The following MED1 variants were observed in gnomAD, a reference collection of about 807,000 sequenced individuals.
MED1 encodes mediator complex subunit 1, also known as mediator of RNA polymerase II transcription subunit 1.
A neutral mutation model predicts 121.3 loss-of-function variants in MED1; 17 were observed. The observed-to-expected ratio is 0.14, with a 90% CI of 0.10 to 0.21. The LOEUF (loss-of-function observed/expected upper bound fraction) is 0.21, where lower values mean the gene tolerates loss of function less well. Ranked by LOEUF, MED1 falls within the 10% of genes least tolerant of loss-of-function variation. MED1 has a pLI of 1.00. For synonymous variants in MED1, 661 were observed against 694.4 expected, an observed-to-expected ratio of 0.95 and a Z score of 0.76; for missense variants, 1,558 against 1,919.4, an observed-to-expected ratio of 0.81 and a Z score of 3.52.
In MED1 at chr17:39,451,208, G is replaced by C; in HGVS notation, c.-146C>G. 1.1e-6 allele frequency: 1 copy of C among 912,734 alleles called. No homozygotes were observed. The highest frequency in any genetic ancestry group is 1.7e-6 in the Non-Finnish European group (1 of 598,696). 56.5% of individuals were successfully genotyped at this position (912,734 alleles called of 1,614,324 possible). On this transcript the variant is annotated 5_prime_UTR_variant, in exon 1 of 17. Coordinates refer to ENST00000300651, the MANE Select transcript of MED1 (RefSeq NM_004774.4). ...CGGGAAGGATCAATCTGAAGTCCCC[G>C]GCGGCAAGAAGAGAAGGGTGCTCGA...
At chr17:39,417,526 G>A (rs2048421780) in intron 14 of MED1, among the ~76,000 whole-genome samples, 1 of 151,994 alleles carries the variant, frequency 6.6e-6, no homozygotes, top group African/African-American at 2.4e-5. Context: ...CTACTCGGGA[G>A]GCTGAGGCAG....
chr17:39,448,064 A>C (rs2048744911), intron 1 of MED1, among the ~76,000 whole-genome samples, 160 bp from the exon 2 acceptor site: 2 of 152,242 alleles, frequency 1.3e-5, no homozygotes, highest in South Asian at 4.1e-4. Flanking sequence ...GACATTTTTA[A>C]TGGCAAGATG....
At chr17:39,411,155 C>G (rs1273839034) in intron 16 of MED1, among the ~76,000 whole-genome samples, 1 of 152,036 alleles carries the variant, frequency 6.6e-6, no homozygotes, top group African/African-American at 2.4e-5. Context: ...CCCGTCTCTA[C>G]TAAAAATACA....
At chr17:39,449,875 C>T (rs188865143) in intron 1 of MED1, among the ~76,000 whole-genome samples, 3 of 134,294 alleles carry the variant, frequency 2.2e-5, no homozygotes, top group Admixed American at 1.7e-4. Flanking sequence ...AATGCAATGG[C>T]GCAGTCTTGG....
intron 1 of MED1, among the ~76,000 whole-genome samples, chr17:39,450,245 C>T (rs1420872315): frequency 2.0e-5 from 3 of 152,116 alleles, no homozygotes; most frequent in Non-Finnish European, 2.9e-5. Flanking sequence ...TCACTGCTCC[C>T]GGCCTCACCT....
At chr17:39,432,852 G>A (rs191051516) in intron 7 of MED1, among the ~76,000 whole-genome samples, 99 of 151,884 alleles carry the variant, frequency 6.5e-4, no homozygotes, top group Non-Finnish European at 1.2e-3. Flanking sequence ...ATCACGTGAG[G>A]TCAGGAGTTT....
chr17:39,419,647 C>T, intron 14 of MED1, 70 bp downstream of exon 14: 1 of 1,457,962 alleles, frequency 6.9e-7, no homozygotes, highest in Non-Finnish European at 9.5e-7. Flanking sequence ...TCTGATGGGC[C>T]ACCAATTAAA....
intron 14 of MED1, 126 bp downstream of exon 14, chr17:39,419,591 G>A: frequency 1.1e-6 from 1 of 882,200 alleles, no homozygotes. Context: ...TGATTTTTAT[G>A]CCAAATATGA....
intron 13 of MED1, among the ~76,000 whole-genome samples, chr17:39,420,353 C>T (rs556318441): frequency 9.9e-5 from 15 of 152,006 alleles, no homozygotes; most frequent in Non-Finnish European, 1.9e-4. Flanking sequence ...GCACCCGCCA[C>T]CACGCCCGGC....
chr17:39,447,793 C>A lies in MED1; in HGVS notation c.132+5G>T. ...ACACTTTACCCACTTCACCACAATC[C>A]TTACCATGACTTGACGCACAAGCTT... On this transcript the variant is annotated splice_donor_5th_base_variant and intron_variant, in intron 2 of 16. Coordinates refer to ENST00000300651, the MANE Select transcript of MED1 (RefSeq NM_004774.4). The A allele has an allele frequency of 6.2e-7, 1 of 1,604,152 alleles. No individual in the cohort carries two copies. The highest frequency in any genetic ancestry group is 8.5e-7 in the Non-Finnish European group (1 of 1,172,216).
At position 39,434,327 on chromosome 17, in the gene MED1, G is replaced by A. The variant is rs368821178; in HGVS notation, c.429-7C>T. The A allele has an allele frequency of 4.0e-5, 59 of 1,464,216 alleles. No individual in the cohort carries two copies. The African/African-American group carries it at 7.5e-4, about 19-fold the overall frequency. The allele number at this position is 1,464,216 out of a possible 1,614,324, so 90.7% of individuals were successfully genotyped here. On this transcript the variant is annotated splice_region_variant and splice_polypyrimidine_tract_variant and intron_variant, in intron 6 of 16. Transcript: ENST00000300651. ...TTCATCAAAATTTTTTTCCCTATAA[G>A]GAGTTCAGGGAAGAGGGGAAAGAGA...
At chr17:39,415,533 G>A (rs987959510) in intron 14 of MED1, among the ~76,000 whole-genome samples, 194 bp from the exon 15 acceptor site, 1 of 152,132 alleles carries the variant, frequency 6.6e-6, no homozygotes, top group East Asian at 1.9e-4. Context: ...AAAAGAGGCC[G>A]GATGCAGTGG....
At chr17:39,450,987 C>A in intron 1 of MED1, 51 bp downstream of exon 1, 1 of 1,571,764 alleles carries the variant, frequency 6.4e-7, no homozygotes, top group Admixed American at 1.8e-5. Flanking sequence ...CTCTCACAAA[C>A]TGGCTCCCCC....
Position 39,410,259 on chromosome 17 carries a change from G to C in MED1, c.1962C>G (p.Ala654=), listed in dbSNP as rs750551342. The change falls in exon 17 of 17, where the codon GCC becomes GCG. Residue 654 remains alanine, a synonymous_variant. Transcript: ENST00000300651. ...MLMNLLKDNP[A]QDFSTLYGSS... is the part of the protein sequence containing the mutation. Reference sequence around the variant, plus strand: ...TTCCATAAAGGGTTGAGAAATCCTGGGCAGGATTATCTTTAAGAAGGTTCA... The same window carrying C: ...TTCCATAAAGGGTTGAGAAATCCTGCGCAGGATTATCTTTAAGAAGGTTCA... 2.5e-6 allele frequency: 4 copies of C among 1,613,998 alleles called. No homozygotes were observed. Among genetic ancestry groups the C allele is most frequent in the Non-Finnish European group, 3.4e-6 (4 of 1,180,002 alleles).
Position 39,440,774 on chromosome 17 carries a change from AC to A in MED1, c.212-98del, listed in dbSNP as rs2048667609. ...AAGATTCATCCTTCCAAAACCGTAA[AC>A]ATATTCAGTAGTTCAAATGCTTGTA... On this transcript the variant is annotated intron_variant, in intron 3 of 16. Coordinates refer to ENST00000300651, the MANE Select transcript of MED1 (RefSeq NM_004774.4). The surrounding 1 kb of genome is among the most constrained non-coding windows in gnomAD (Gnocchi z 4.1). 2 of 1,179,580 alleles carry A rather than the reference AC, an allele frequency of 1.7e-6. No homozygotes were observed. Among genetic ancestry groups the A allele is most frequent in the African/African-American group, 3.1e-5 (2 of 64,860 alleles). 73.1% of individuals were successfully genotyped at this position (1,179,580 alleles called of 1,614,324 possible). A position where few individuals can be genotyped will look rare whatever the true frequency, so the allele number is the denominator to read the frequency against.
At chr17:39,424,861 C>G in intron 10 of MED1, 123 bp from the exon 11 acceptor site, 1 of 623,930 alleles carries the variant, frequency 1.6e-6, no homozygotes, top group Non-Finnish European at 2.8e-6. Context: ...GCTGTTATTC[C>G]CTTATTTATT....
chr17:39,425,041 G>A (rs2048502286), intron 10 of MED1, among the ~76,000 whole-genome samples: 1 of 151,942 alleles, frequency 6.6e-6, no homozygotes. Context: ...CACCATGCCC[G>A]GCTAATTTTT....
chr17:39,432,592 C>CA (rs60192843), intron 7 of MED1, among the ~76,000 whole-genome samples: 195 of 136,662 alleles, frequency 1.4e-3, no homozygotes, highest in Middle Eastern at 4.1e-3. Context: ...TAATAAAATA[C>CA]AAAAAAAAAA....
rs2048327998 is a variant in MED1 at position 39,408,768 on chromosome 17, C to T, written c.3453G>A (p.Gly1151=). The change falls in exon 17 of 17, where the codon GGG becomes GGA. Residue 1151 remains glycine, a synonymous_variant. Transcript: ENST00000300651. The surrounding 1 kb of genome is among the most constrained non-coding windows in gnomAD (Gnocchi z 4.7). ...SQSKNSSQSG[G]KPGSSPITKH... is the part of the protein sequence containing the mutation. ...TGGTTATGGGAGAGGAGCCTGGCTT[C>T]CCCCCAGACTGGGATGAATTTTTGG... The T allele has an allele frequency of 6.2e-7, 1 of 1,613,896 alleles. No homozygotes were observed. The highest frequency in any genetic ancestry group is 8.5e-7 in the Non-Finnish European group (1 of 1,179,970).
Sources: allele counts gnomAD v4.1 joint callset (sites outside exome capture counted in the v4.1 genomes callset), GRCh38; gene constraint gnomAD v4.1.1; non-coding constraint Gnocchi (gnomAD v3.1); transcripts MANE v1.5; gene names NCBI Gene and HGNC (gene_info 2026-07-23, HGNC 2026-07-21).